RAB27B: variants seen among roughly 807,000 people sequenced by gnomAD.
The protein encoded by RAB27B is RAB27B, member RAS oncogene family.
RAB27B carries 15 observed loss-of-function variants against 24.6 expected under a neutral mutation model. The ratio of observed to expected loss-of-function variants is 0.61; its 90% CI spans 0.41 to 0.94. The LOEUF (loss-of-function observed/expected upper bound fraction) is 0.94, where lower values mean the gene tolerates loss of function less well. Among genes scored for constraint, RAB27B ranks in the 40% least tolerant of loss-of-function variants. The pLI is 0.00. For synonymous variants in RAB27B, 105 were observed against 92.5 expected, an observed-to-expected ratio of 1.14 and a Z score of -0.78; for missense variants, 261 against 266.8, an observed-to-expected ratio of 0.98 and a Z score of 0.15.
At chr18:54,754,312 C>G (rs999216796) in intron 2 of RAB27B, among the ~76,000 whole-genome samples, 3 of 147,086 alleles carry the variant, frequency 2.0e-5, no homozygotes, top group Non-Finnish European at 4.5e-5. Flanking sequence ...TTTCCTGAGG[C>G]CTCCCCAGCC....
chr18:54,822,361 C>T (rs1910338317), intron 2 of RAB27B, among the ~76,000 whole-genome samples: 2 of 152,154 alleles, frequency 1.3e-5, no homozygotes, highest in African/African-American at 4.8e-5. Context: ...TATGACATCA[C>T]AGCTTGAAGT....
chr18:54,860,519 C>T (rs1410242968), intron 1 of RAB27B, among the ~76,000 whole-genome samples: 1 of 152,130 alleles, frequency 6.6e-6, no homozygotes, highest in East Asian at 1.9e-4. Context: ...TGAAGCCCTC[C>T]TGATTATTTC....
intron 2 of RAB27B, among the ~76,000 whole-genome samples, chr18:54,743,073 A>C (rs1372172986): frequency 6.6e-6 from 1 of 152,208 alleles, no homozygotes; most frequent in African/African-American, 2.4e-5. Flanking sequence ...GTATAACATA[A>C]TCTCAAGCAT....
At chr18:54,864,731 G>C (rs780675910) in intron 1 of RAB27B, among the ~76,000 whole-genome samples, 8 of 152,050 alleles carry the variant, frequency 5.3e-5, no homozygotes, top group Non-Finnish European at 1.5e-5. Context: ...TTTATTTCTA[G>C]ATTCCCAGTT....
intron 2 of RAB27B, among the ~76,000 whole-genome samples, chr18:54,814,506 GTGATCCCACTGTATCTGAGTAAGTC>G (rs1291981898): frequency 6.6e-6 from 1 of 152,098 alleles, no homozygotes; most frequent in Non-Finnish European, 1.5e-5. Flanking sequence ...ATCCCAAATA[GTGATCCCACTGTATCTGAGTAAGTC>G]AATACTCCAG....
chr18:54,827,166 G>A (rs3764515), upstream of RAB27B, among the ~76,000 whole-genome samples: 1 of 152,104 alleles, frequency 6.6e-6, no homozygotes, highest in Non-Finnish European at 1.5e-5. Flanking sequence ...AAATCTACAG[G>A]CTGAGCCTCA....
intron 2 of RAB27B, among the ~76,000 whole-genome samples, chr18:54,763,149 A>G (rs1908245820): frequency 1.3e-5 from 2 of 152,174 alleles, no homozygotes; most frequent in Non-Finnish European, 2.9e-5. Context: ...TTCAAAGAGT[A>G]AATAAATAAT....
Position 54,879,463 on chromosome 18 carries a change from A to T in RAB27B, c.239+9A>T. ...ACTGCGGGACAAGAGCGGTAATAGT[A>T]AATTGCTTTATTTGTGGCTACACAT... On this transcript the variant is annotated intron_variant, in intron 3 of 5. Transcript: ENST00000262094. The T allele has an allele frequency of 1.9e-6, 3 of 1,601,832 alleles. No individual in the cohort carries two copies. Among genetic ancestry groups the T allele is most frequent in the Non-Finnish European group, 2.6e-6 (3 of 1,168,904 alleles).
chr18:54,738,883 A>G (rs1833299), intron 2 of RAB27B, among the ~76,000 whole-genome samples: 6,058 of 152,226 alleles, frequency 0.04, 406 homozygotes, highest in African/African-American at 0.14. Flanking sequence ...AGAAATGTAT[A>G]TCTCTGTGTA....
intron 1 of RAB27B, among the ~76,000 whole-genome samples, chr18:54,875,298 G>A (rs954536017): frequency 2.6e-5 from 4 of 152,120 alleles, no homozygotes; most frequent in African/African-American, 9.7e-5. Context: ...CTGCACTTTA[G>A]CCTAGATGAC....
intron 2 of RAB27B, among the ~76,000 whole-genome samples, chr18:54,721,019 C>A (rs1205318773): frequency 6.6e-6 from 1 of 152,036 alleles, no homozygotes; most frequent in African/African-American, 2.4e-5. Flanking sequence ...CTGGGAGGCA[C>A]AAATTATGTA....
intron 1 of RAB27B, among the ~76,000 whole-genome samples, chr18:54,837,314 T>A (rs1209138490): frequency 6.6e-6 from 1 of 152,030 alleles, no homozygotes; most frequent in Non-Finnish European, 1.5e-5. Flanking sequence ...AAGGAATAAT[T>A]AGCGAGGGTG....
intron 1 of RAB27B, among the ~76,000 whole-genome samples, chr18:54,859,024 A>G (rs1203760355): frequency 1.3e-5 from 2 of 152,162 alleles, no homozygotes; most frequent in African/African-American, 4.8e-5. Context: ...CAAAAATATG[A>G]GAAACTAACA....
intron 2 of RAB27B, among the ~76,000 whole-genome samples, chr18:54,747,255 TC>T (rs1197365123): frequency 4.6e-5 from 7 of 152,108 alleles, no homozygotes; most frequent in Non-Finnish European, 8.8e-5. Context: ...ACTTTTTCTG[TC>T]CCCTCCTGAT....
intron 1 of RAB27B, among the ~76,000 whole-genome samples, chr18:54,846,700 A>C (rs1035561373): frequency 6.6e-6 from 1 of 152,238 alleles, no homozygotes; most frequent in Non-Finnish European, 1.5e-5. Flanking sequence ...ATAAGGCTAA[A>C]GCAAATATAT....
intron 1 of RAB27B, among the ~76,000 whole-genome samples, chr18:54,847,890 A>C (rs998390859): frequency 3.9e-5 from 6 of 152,216 alleles, no homozygotes; most frequent in Non-Finnish European, 8.8e-5. Flanking sequence ...AATTTAAAGG[A>C]GTTTAATTGA....
At chr18:54,728,917 A>AC (rs1909637957) in intron 2 of RAB27B, among the ~76,000 whole-genome samples, 1 of 145,886 alleles carries the variant, frequency 6.9e-6, no homozygotes, top group African/African-American at 2.6e-5. Context: ...AAAAAAAAAA[A>AC]AAAAAACCAC....
At chr18:54,874,746 A>G (rs1912623498) in intron 1 of RAB27B, among the ~76,000 whole-genome samples, 1 of 152,234 alleles carries the variant, frequency 6.6e-6, no homozygotes, top group Non-Finnish European at 1.5e-5. Context: ...GGCTTTAGTT[A>G]CTAATATCGT....
At chr18:54,773,821 C>T (rs537679873) in intron 2 of RAB27B, among the ~76,000 whole-genome samples, 1 of 152,036 alleles carries the variant, frequency 6.6e-6, no homozygotes, top group South Asian at 2.1e-4. Flanking sequence ...ATTACAGGCA[C>T]CTGCCACCAG....
Sources: allele counts gnomAD v4.1 joint callset (sites outside exome capture counted in the v4.1 genomes callset), GRCh38; gene constraint gnomAD v4.1.1; transcripts MANE v1.5; gene names NCBI Gene and HGNC (gene_info 2026-07-23, HGNC 2026-07-21).